Variants in INA observed in about 807,000 individuals in gnomAD.
INA encodes the protein alpha-internexin.
A neutral mutation model predicts 40.1 loss-of-function variants in INA; 35 were observed. That is an observed-to-expected ratio of 0.87 (90% CI 0.67 to 1.16). The LOEUF is 1.16. Ranked by LOEUF, INA falls within the 50% of genes most tolerant of loss-of-function variation. The pLI is 0.00. For synonymous variants in INA, 290 were observed against 316.9 expected (o/e 0.92, Z 0.90); for missense variants, 594 against 686.7 (o/e 0.87, Z 1.51).
intron 2 of INA, 33 bp from the exon 3 acceptor site, chr10:103,288,327 C>T (rs760517827): frequency 1.5e-5 from 24 of 1,549,210 alleles, no homozygotes; most frequent in South Asian, 1.2e-5. Flanking sequence ...AAGTTATTGA[C>T]TTCCTAAGAG....
At chr10:103,280,742 A>G in intron 1 of INA, 1 of 985,466 alleles carries the variant, frequency 1.0e-6, no homozygotes, top group Non-Finnish European at 1.2e-6. Flanking sequence ...GAATCAGGCA[A>G]GAGAAGAGAT....
In INA at chr10:103,288,620, C is replaced by T. The variant is rs2093092460; in HGVS notation, c.1451C>T (p.Thr484Ile). 6.3e-7 allele frequency: 1 copy of T among 1,596,362 alleles called. No homozygotes were observed. Among genetic ancestry groups the T allele is most frequent in the African/African-American group, 1.4e-5 (1 of 73,510 alleles). ...GAGACAGTAATATCTACTAAGAAAACCGAGAAATCAAATATAGAAGAAACC... is the reference window on the plus strand; with the variant it reads ...GAGACAGTAATATCTACTAAGAAAATCGAGAAATCAAATATAGAAGAAACC... ...LEETVISTKKTEKSNIEETTI... is the reference protein window; with the variant it reads ...LEETVISTKKIEKSNIEETTI... Residue 484 changes from threonine to isoleucine, a missense_variant, in exon 3 of 3, where the codon ACC becomes ATC. Physicochemically the swap from Thr to Ile is moderately conservative, Grantham distance 89. Transcript: ENST00000369849.
chr10:103,281,053 T>C, intron 1 of INA: 1 of 428,502 alleles, frequency 2.3e-6, no homozygotes, highest in Non-Finnish European at 3.1e-6. Flanking sequence ...CTTCTCTTTT[T>C]TCTCCATTAT....
At chr10:103,280,245 G>C in intron 1 of INA, 1 of 985,434 alleles carries the variant, frequency 1.0e-6, no homozygotes. Flanking sequence ...TGAGCCTTTA[G>C]AGCCACAGAG....
At position 103,288,758 on chromosome 10, in the gene INA, C is replaced by A; in HGVS notation, c.*89C>A. ...CCTATTCCTGAACTATAACACCTGC[C>A]ACCACTATAAAATGTCTTCAAGGCT... is the stretch of plus-strand genomic sequence containing the variant. On this transcript the variant is annotated 3_prime_UTR_variant, in exon 3 of 3. Coordinates refer to ENST00000369849, the MANE Select transcript of INA (RefSeq NM_032727.4). 1 of 789,874 alleles carries A rather than the reference C, an allele frequency of 1.3e-6. No individual in the cohort carries two copies. Among genetic ancestry groups the A allele is most frequent in the Non-Finnish European group, 2.0e-6 (1 of 495,038 alleles). The allele number at this position is 789,874 out of a possible 1,614,324, so 48.9% of individuals were successfully genotyped here.
intron 1 of INA, among the ~76,000 whole-genome samples, chr10:103,283,162 G>C (rs560087436): frequency 2.0e-5 from 3 of 152,288 alleles, no homozygotes; most frequent in Non-Finnish European, 4.4e-5. Flanking sequence ...GTTAGTGGCA[G>C]AGCAAAAACT....
At chr10:103,286,335 CAAAAAAAAAAAA>C (rs71019675) in intron 1 of INA, among the ~76,000 whole-genome samples, 1 of 51,702 alleles carries the variant, frequency 1.9e-5, no homozygotes, top group Non-Finnish European at 3.5e-5. Context: ...GACCTTGTCT[CAAAAAAAAAAAA>C]AAAAAAAAAA....
intron 1 of INA, among the ~76,000 whole-genome samples, chr10:103,279,483 G>GA (rs1564714202): frequency 6.6e-6 from 1 of 152,188 alleles, no homozygotes; most frequent in East Asian, 1.9e-4. Flanking sequence ...ACAGAGGCAG[G>GA]GGACAGGGTA....
chr10:103,280,761 G>T (rs1377587218), intron 1 of INA: 102 of 985,352 alleles, frequency 1.0e-4, no homozygotes, highest in Non-Finnish European at 1.2e-4. Flanking sequence ...ATTAGGAAGA[G>T]CTAAGGCTAT....
rs2093066061 is a variant in INA, at chr10:103,278,482, G to C, written c.1065+206G>C. Among the ~76,000 whole-genome samples, 1 of 152,150 alleles carries C rather than the reference G, an allele frequency of 6.6e-6. No individual in the cohort carries two copies. Among genetic ancestry groups the C allele is most frequent in the Non-Finnish European group, 1.5e-5 (1 of 68,014 alleles). On this transcript the variant is annotated intron_variant, in intron 1 of 2. Coordinates refer to ENST00000369849, the MANE Select transcript of INA (RefSeq NM_032727.4). This position sits in a 1 kb window ranked among gnomAD's most constrained non-coding sequence, Gnocchi z 4.9. ...GCCCCTCATTTATGTCCCTGCCCCA[G>C]CCCTTCAAACAAAGAAGCCCTTAAA...
intron 1 of INA, among the ~76,000 whole-genome samples, chr10:103,286,810 G>A (rs1205033493): frequency 6.6e-6 from 1 of 152,080 alleles, no homozygotes; most frequent in East Asian, 1.9e-4. Flanking sequence ...CTCACCATGA[G>A]TCCAAATCTC....
At position 103,277,989 on chromosome 10, in the gene INA, G is replaced by A; in HGVS notation, c.778G>A (p.Asp260Asn). Residue 260 changes from aspartate to asparagine, a missense_variant, in exon 1 of 3, where the codon GAC becomes AAC. Asp to Asn is a conservative substitution (Grantham distance 23). Transcript: ENST00000369849. The surrounding 1 kb of genome is among the most constrained non-coding windows in gnomAD (Gnocchi z 5.6). ...GGTGGACGTGACTGTGGCTAAACCAGACCTGACCTCGGCTCTGAGGGAGAT... is the reference window on the plus strand; with the variant it reads ...GGTGGACGTGACTGTGGCTAAACCAAACCTGACCTCGGCTCTGAGGGAGAT... ...AEVDVTVAKP[D>N]LTSALREIRA... is the part of the protein sequence containing the mutation. 1 of 1,592,248 alleles carries A rather than the reference G, an allele frequency of 6.3e-7. No individual in the cohort carries two copies. The highest frequency in any genetic ancestry group is 8.5e-7 in the Non-Finnish European group (1 of 1,170,354).
chr10:103,277,775 A>C lies in INA; in HGVS notation c.564A>C (p.Gly188=), dbSNP rs1317712789. 9.4e-6 allele frequency: 14 copies of C among 1,488,016 alleles called. No individual in the cohort carries two copies. The highest frequency in any genetic ancestry group is 1.2e-5 in the Non-Finnish European group (14 of 1,128,192). 92.2% of individuals were successfully genotyped at this position (1,488,016 alleles called of 1,614,324 possible). Residue 188 remains glycine (G), a synonymous_variant, in exon 1 of 3, where the codon GGA becomes GGC. Coordinates refer to ENST00000369849, the MANE Select transcript of INA (RefSeq NM_032727.4). The surrounding 1 kb of genome is among the most constrained non-coding windows in gnomAD (Gnocchi z 5.6). The part of the protein sequence containing the change: ...LRARCEEESR[G]REGAERALKA... ...CGCGCTGCGAGGAGGAGAGCCGCGG[A>C]CGCGAAGGCGCCGAGCGCGCCCTGA...
chr10:103,287,755 A>G (rs1333141611), intron 2 of INA, among the ~76,000 whole-genome samples: 1 of 149,916 alleles, frequency 6.7e-6, no homozygotes, highest in Non-Finnish European at 1.5e-5. Flanking sequence ...AAAAAAAAGG[A>G]TAATTAAAAA....
intron 2 of INA, 142 bp downstream of exon 2, chr10:103,287,301 T>C: frequency 1.3e-6 from 1 of 796,426 alleles, no homozygotes; most frequent in Non-Finnish European, 1.9e-6. Context: ...GTGAGCTGAC[T>C]GCTCTGTCCC....
chr10:103,287,405 G>T (rs1242129477), intron 2 of INA, among the ~76,000 whole-genome samples: 1 of 152,140 alleles, frequency 6.6e-6, no homozygotes, highest in African/African-American at 2.4e-5. Context: ...GTACACAGAG[G>T]TTAAAATAAA....
At chr10:103,281,275 C>A (rs969787546) in intron 1 of INA, among the ~76,000 whole-genome samples, 1 of 152,026 alleles carries the variant, frequency 6.6e-6, no homozygotes, top group East Asian at 1.9e-4. Flanking sequence ...CCTGGGCTAC[C>A]ATGATAGCAT....
At position 103,288,853 on chromosome 10, in the gene INA, C is replaced by G; in HGVS notation, c.*184C>G. 1 of 499,118 alleles carries G rather than the reference C, an allele frequency of 2.0e-6. No individual in the cohort carries two copies. Among genetic ancestry groups the G allele is most frequent in the Non-Finnish European group, 3.5e-6 (1 of 281,954 alleles). The allele number at this position is 499,118 out of a possible 1,614,324, so 30.9% of individuals were successfully genotyped here. The stretch of plus-strand genomic sequence containing the variant: ...AAACCACCCCTTAGATTGAAGTAAA[C>G]TGCAGTCCTGGAGCAATCACAGATG... On this transcript the variant is annotated 3_prime_UTR_variant, in exon 3 of 3. Transcript: ENST00000369849.
At position 103,277,758 on chromosome 10, in the gene INA, G is replaced by A; in HGVS notation, c.547G>A (p.Glu183Lys). The A allele has an allele frequency of 1.4e-6, 2 of 1,452,812 alleles. No individual in the cohort carries two copies. The highest frequency in any genetic ancestry group is 1.8e-6 in the Non-Finnish European group (2 of 1,114,460). The allele number at this position is 1,452,812 out of a possible 1,614,324, so 90.0% of individuals were successfully genotyped here. The change falls in exon 1 of 3, where the codon GAG becomes AAG. Residue 183 changes from glutamate (E) to lysine (K), a missense_variant. Glu to Lys is a moderately conservative substitution (Grantham distance 56). Transcript: ENST00000369849. This position sits in a 1 kb window ranked among gnomAD's most constrained non-coding sequence, Gnocchi z 5.6. Reference sequence around the variant, plus strand: ...GGTGCAGCGGCTGCGGGCGCGCTGCGAGGAGGAGAGCCGCGGACGCGAAGG... The same window carrying A: ...GGTGCAGCGGCTGCGGGCGCGCTGCAAGGAGGAGAGCCGCGGACGCGAAGG... ...EEVQRLRARC[E>K]EESRGREGAE...
Sources: allele counts gnomAD v4.1 joint callset (sites outside exome capture counted in the v4.1 genomes callset), GRCh38; gene constraint gnomAD v4.1.1; non-coding constraint Gnocchi (gnomAD v3.1); transcripts MANE v1.5; gene names NCBI Gene and HGNC (gene_info 2026-07-23, HGNC 2026-07-21).